Variants in JAKMIP1 observed in about 807,000 individuals in gnomAD.
The protein encoded by JAKMIP1 is janus kinase and microtubule interacting protein 1.
JAKMIP1 carries 33 observed loss-of-function variants against 113.0 expected under a neutral mutation model. That is an observed-to-expected ratio of 0.29 (90% CI 0.22 to 0.39). The LOEUF is 0.39. Among genes scored for constraint, JAKMIP1 ranks in the 10% least tolerant of loss-of-function variants. JAKMIP1 has a pLI of 1.00. For missense variants in JAKMIP1, 813 were observed against 1,080.5 expected, an observed-to-expected ratio of 0.75 and a Z score of 3.47; for synonymous variants, 480 against 459.9, an observed-to-expected ratio of 1.04 and a Z score of -0.56.
In JAKMIP1 at chr4:6,157,059, C is replaced by A. The variant is rs73075446; in HGVS notation, c.-148+43194G>T. ...ATGAATGGATTAATGCCATTATTGCCGGAGTGGATTCCTGATAAAAAGCTG... is the reference window on the plus strand; with the variant it reads ...ATGAATGGATTAATGCCATTATTGCAGGAGTGGATTCCTGATAAAAAGCTG... On this transcript the variant is annotated intron_variant, in intron 1 of 20. Coordinates refer to ENST00000409021, the MANE Select transcript of JAKMIP1 (RefSeq NM_001099433.2). The surrounding 1 kb of genome is among the most constrained non-coding windows in gnomAD (Gnocchi z 4.7). Among the ~76,000 whole-genome samples, 13,807 of 152,158 alleles carry A rather than the reference C, an allele frequency of 0.091. 1,640 individuals are homozygous for A. Among genetic ancestry groups the A allele is most frequent in the African/African-American group, 0.27 (11,286 of 41,452 alleles).
At position 6,143,626 on chromosome 4, in the gene JAKMIP1, C is replaced by T. The variant is rs1214363372; in HGVS notation, c.-147-30629G>A. Among the ~76,000 whole-genome samples the T allele has an allele frequency of 1.3e-5, 2 of 152,174 alleles. No homozygotes were observed. The highest frequency in any genetic ancestry group is 2.4e-5 in the African/African-American group (1 of 41,440). ...AGAACAGCAGTTCTCTGAGTGAGAT[C>T]CTTAGACCAGCAGCATCTGCATCAG... On this transcript the variant is annotated intron_variant, in intron 1 of 20. Coordinates refer to ENST00000409021, the MANE Select transcript of JAKMIP1 (RefSeq NM_001099433.2). The surrounding 1 kb of genome is among the most constrained non-coding windows in gnomAD (Gnocchi z 4.9).
At position 6,143,158 on chromosome 4, in the gene JAKMIP1, G is replaced by A. The variant is rs759685938; in HGVS notation, c.-147-30161C>T. Among the ~76,000 whole-genome samples the A allele has an allele frequency of 5.3e-5, 8 of 152,208 alleles. No homozygotes were observed. Among genetic ancestry groups the A allele is most frequent in the Non-Finnish European group, 8.8e-5 (6 of 68,040 alleles). ...AGAAAGCAGCACAGCTCTCCCCTGT[G>A]AGTACGAGCTAAGTTAACCCACGCA... On this transcript the variant is annotated intron_variant, in intron 1 of 20. Coordinates refer to ENST00000409021, the MANE Select transcript of JAKMIP1 (RefSeq NM_001099433.2). The surrounding 1 kb of genome is among the most constrained non-coding windows in gnomAD (Gnocchi z 4.9).
Position 6,105,529 on chromosome 4 carries a change from G to A in JAKMIP1, c.568C>T (p.His190Tyr). Residue 190 changes from histidine to tyrosine, a missense_variant, in exon 3 of 21, where the codon CAC becomes TAC. Physicochemically the swap from His to Tyr is moderately conservative, Grantham distance 83. Around this residue, in one of 2 missense-constraint regions of JAKMIP1, gnomAD observed 540 missense variants for 653.9 expected, o/e 0.83. Coordinates refer to ENST00000409021, the MANE Select transcript of JAKMIP1 (RefSeq NM_001099433.2). ...AADLRAAYQAHQDEVHRIKRE... is the reference protein window; with the variant it reads ...AADLRAAYQAYQDEVHRIKRE... ...TTGATGCGGTGCACCTCGTCTTGGTGCGCCTGGTAGGCGGCACGCAGGTCG... is the reference window on the plus strand; with the variant it reads ...TTGATGCGGTGCACCTCGTCTTGGTACGCCTGGTAGGCGGCACGCAGGTCG... The A allele has an allele frequency of 6.2e-7, 1 of 1,608,696 alleles. No individual in the cohort carries two copies. Among genetic ancestry groups the A allele is most frequent in the Non-Finnish European group, 8.5e-7 (1 of 1,178,168 alleles).
At chr4:6,039,307 G>A (rs1713994773) in intron 18 of JAKMIP1, among the ~76,000 whole-genome samples, 1 of 152,216 alleles carries the variant, frequency 6.6e-6, no homozygotes, top group African/African-American at 2.4e-5. Context: ...AAAAGGTCCA[G>A]TGATTCACTG....
rs1726921822 is a variant in JAKMIP1, at chr4:6,188,872, C to A, written c.-148+11381G>T. ...GAGATAGATCATGTCAGGAAAGCAC[C>A]CATCTGCCCAGTGGTTTAAATAGAT... On this transcript the variant is annotated intron_variant, in intron 1 of 20. Coordinates refer to ENST00000409021, the MANE Select transcript of JAKMIP1 (RefSeq NM_001099433.2). The surrounding 1 kb of genome is among the most constrained non-coding windows in gnomAD (Gnocchi z 5.8). 6.6e-6 allele frequency among the ~76,000 whole-genome samples: 1 copy of A among 152,158 alleles called. No homozygotes were observed.
At chr4:6,070,958 A>G (rs539705994) in intron 8 of JAKMIP1, among the ~76,000 whole-genome samples, 1 of 152,340 alleles carries the variant, frequency 6.6e-6, no homozygotes, top group Non-Finnish European at 1.5e-5. Context: ...AAAAACTCTC[A>G]TGCTGCAGAA....
intron 1 of JAKMIP1, among the ~76,000 whole-genome samples, chr4:6,117,919 T>C (rs1354642512): frequency 6.6e-6 from 1 of 152,258 alleles, no homozygotes; most frequent in African/African-American, 2.4e-5. Context: ...ATTGCTGTTA[T>C]CCTGTTCTTT....
chr4:6,198,500 A>T (rs1243348401), intron 1 of JAKMIP1, among the ~76,000 whole-genome samples: 1 of 152,172 alleles, frequency 6.6e-6, no homozygotes, highest in Non-Finnish European at 1.5e-5. Context: ...TTTGTGAAGG[A>T]GGAAAATGCC....
intron 1 of JAKMIP1, among the ~76,000 whole-genome samples, chr4:6,171,846 AACC>A (rs1356704982): frequency 2.6e-5 from 4 of 152,214 alleles, no homozygotes; most frequent in Admixed American, 1.3e-4. Flanking sequence ...ATTACTTCAC[AACC>A]CAGTTTATGC....
intron 5 of JAKMIP1, among the ~76,000 whole-genome samples, chr4:6,082,316 G>C (rs1053033898): frequency 2.1e-4 from 32 of 152,002 alleles, no homozygotes; most frequent in African/African-American, 7.5e-4. Context: ...TGATGGTATA[G>C]GTTGAAATAT....
At chr4:6,164,461 TTG>T (rs201908601) in intron 1 of JAKMIP1, among the ~76,000 whole-genome samples, 6,440 of 152,296 alleles carry the variant, frequency 0.042, 410 homozygotes, top group African/African-American at 0.14. Context: ...ATTGATGTTG[TTG>T]TCATGCCTGC....
intron 10 of JAKMIP1, 41 bp downstream of exon 10, chr4:6,062,271 C>T (rs1410237376): frequency 6.2e-7 from 1 of 1,609,852 alleles, no homozygotes. Context: ...ATGACCTGGC[C>T]TTCGGCCCCT....
At chr4:6,191,978 G>T (rs1296849222) in intron 1 of JAKMIP1, among the ~76,000 whole-genome samples, 1 of 147,344 alleles carries the variant, frequency 6.8e-6, no homozygotes, top group Non-Finnish European at 1.5e-5. Flanking sequence ...TGTCACCCAG[G>T]CTGGAGTGCA....
intron 1 of JAKMIP1, among the ~76,000 whole-genome samples, chr4:6,119,179 G>T (rs770437166): frequency 2.6e-5 from 4 of 152,128 alleles, no homozygotes; most frequent in Non-Finnish European, 5.9e-5. Flanking sequence ...GTAAATTTCT[G>T]TTTACCACCC....
Position 6,183,478 on chromosome 4 carries a change from C to CAGTAAATAAATAAATA in JAKMIP1, c.-148+16774_-148+16775insTATTTATTTATTTACT, listed in dbSNP as rs1553864663. Among the ~76,000 whole-genome samples, 5 of 126,672 alleles carry CAGTAAATAAATAAATA rather than the reference C, an allele frequency of 3.9e-5. No individual in the cohort carries two copies. The highest frequency in any genetic ancestry group is 8.1e-5 in the Admixed American group (1 of 12,334). The allele number at this position is 126,672 out of a possible 152,430, so 83.1% of individuals were successfully genotyped here. A position where few individuals can be genotyped will look rare whatever the true frequency, so the allele number is the denominator to read the frequency against. ...TGGGTGACAGAGCAAGACTCTGTCT[C>CAGTAAATAAATAAATA]AATAAATAAATAAATAAATAAATAA... is the stretch of plus-strand genomic sequence containing the variant. On this transcript the variant is annotated intron_variant, in intron 1 of 20. Transcript: ENST00000409021. The surrounding 1 kb of genome is among the most constrained non-coding windows in gnomAD (Gnocchi z 5.3).
chr4:6,171,117 ACAT>A (rs771878788), intron 1 of JAKMIP1, among the ~76,000 whole-genome samples: 4 of 138,070 alleles, frequency 2.9e-5, no homozygotes, highest in East Asian at 4.7e-4. Flanking sequence ...CATCACCACC[ACAT>A]CATCATCTCC....
At chr4:6,057,796 A>G (rs1716689748) in intron 11 of JAKMIP1, among the ~76,000 whole-genome samples, 1 of 152,150 alleles carries the variant, frequency 6.6e-6, no homozygotes, top group Non-Finnish European at 1.5e-5. Context: ...GGCTACTGGG[A>G]TGTTAGCAGA....
chr4:6,075,608 G>A (rs1373446392), intron 8 of JAKMIP1, among the ~76,000 whole-genome samples: 1 of 152,184 alleles, frequency 6.6e-6, no homozygotes, highest in Non-Finnish European at 1.5e-5. Context: ...CTAATGACAC[G>A]GAACTATCTT....
At chr4:6,077,287 T>C (rs779619862) in intron 8 of JAKMIP1, among the ~76,000 whole-genome samples, 5 of 151,882 alleles carry the variant, frequency 3.3e-5, no homozygotes, top group African/African-American at 4.8e-5. Flanking sequence ...AGGTAGAATG[T>C]CACTGACAAT....
Sources: allele counts gnomAD v4.1 joint callset (sites outside exome capture counted in the v4.1 genomes callset), GRCh38; gene constraint gnomAD v4.1.1; regional missense constraint gnomAD v4.1.1; non-coding constraint Gnocchi (gnomAD v3.1); transcripts MANE v1.5; gene names NCBI Gene and HGNC (gene_info 2026-07-23, HGNC 2026-07-21).